Variants in PDS5B observed in about 807,000 individuals in gnomAD.
The protein encoded by PDS5B is sister chromatid cohesion protein PDS5 homolog B.
Under a neutral mutation model 184.1 loss-of-function variants are expected in PDS5B, and 51 were observed. The ratio of observed to expected loss-of-function variants is 0.28; its 90% CI spans 0.22 to 0.35. The LOEUF (loss-of-function observed/expected upper bound fraction) is 0.35, where lower values mean the gene tolerates loss of function less well. Among genes scored for constraint, PDS5B ranks in the 10% least tolerant of loss-of-function variants. The pLI is 1.00. For synonymous variants in PDS5B, 566 were observed against 569.2 expected (o/e 0.99, Z 0.08); for missense variants, 1,180 against 1,723.3 (o/e 0.68, Z 5.58).
chr13:32,673,476 T>TA, intron 8 of PDS5B, 120 bp downstream of exon 8: 1 of 801,482 alleles, frequency 1.2e-6, no homozygotes, highest in South Asian at 1.9e-5. Flanking sequence ...GAAGTATTAC[T>TA]ATTATTTCTT....
At chr13:32,715,803 T>C (rs1207710) in intron 19 of PDS5B, among the ~76,000 whole-genome samples, 105,797 of 150,576 alleles carry the variant, frequency 0.7, 37,677 homozygotes, top group African/African-American at 0.83. Flanking sequence ...CGATTGCAGG[T>C]GCGCGCCGCC....
chr13:32,706,588 C>T (rs1177728613), intron 17 of PDS5B, among the ~76,000 whole-genome samples: 1 of 152,066 alleles, frequency 6.6e-6, no homozygotes, highest in Non-Finnish European at 1.5e-5. Context: ...GTTCTACTTA[C>T]TGGACTAGTG....
At chr13:32,664,613 C>G (rs1950736313) in intron 6 of PDS5B, among the ~76,000 whole-genome samples, 2 of 152,136 alleles carry the variant, frequency 1.3e-5, no homozygotes, top group Non-Finnish European at 2.9e-5. Flanking sequence ...CTCATTATCC[C>G]AGCACTTTGG....
At chr13:32,709,918 C>T (rs768827940) in intron 18 of PDS5B, 28 bp from the exon 19 acceptor site, 4 of 1,269,300 alleles carry the variant, frequency 3.2e-6, no homozygotes, top group Non-Finnish European at 3.1e-6. Flanking sequence ...AAAAGTTTTA[C>T]AAATCATTTT....
chr13:32,736,753 C>T (rs558852106), intron 21 of PDS5B, among the ~76,000 whole-genome samples: 87 of 152,146 alleles, frequency 5.7e-4, no homozygotes, highest in Middle Eastern at 3.4e-3. Flanking sequence ...ACACTTTAAA[C>T]GTACATTGTT....
rs77496418 is a variant in PDS5B at position 32,660,724 on chromosome 13, C to G, written c.624+1444C>G. 2.0e-5 allele frequency among the ~76,000 whole-genome samples: 3 copies of G among 152,282 alleles called. No individual in the cohort carries two copies. In the East Asian group the frequency reaches 5.8e-4, roughly 29 times the overall value. ...AATAAACCCACCCTTCCTGATTAAA[C>G]ATTTTCTCCTTGGCCTTGTTGTAGG... On this transcript the variant is annotated intron_variant, in intron 6 of 34. Transcript: ENST00000315596.
chr13:32,595,889 G>T (rs890188540), intron 1 of PDS5B, among the ~76,000 whole-genome samples: 1 of 152,146 alleles, frequency 6.6e-6, no homozygotes, highest in Admixed American at 6.5e-5. Context: ...GCTTCTTGAG[G>T]CCATGGACTT....
intron 11 of PDS5B, among the ~76,000 whole-genome samples, chr13:32,684,491 GC>G (rs1314462227): frequency 6.6e-6 from 1 of 152,196 alleles, no homozygotes; most frequent in East Asian, 1.9e-4. Context: ...AGAGCACCAT[GC>G]TTCTAGCCTA....
At chr13:32,763,161 T>G (rs1954467412) in intron 30 of PDS5B, among the ~76,000 whole-genome samples, 1 of 152,246 alleles carries the variant, frequency 6.6e-6, no homozygotes, top group South Asian at 2.1e-4. Context: ...GGAAAAATTA[T>G]GAGAGGAAGT....
chr13:32,615,481 G>A (rs973724790), intron 1 of PDS5B, among the ~76,000 whole-genome samples: 3 of 152,170 alleles, frequency 2.0e-5, no homozygotes, highest in African/African-American at 7.2e-5. Context: ...TAAAGCATGT[G>A]TATTGAATCA....
chr13:32,699,079 C>G (rs971887125), intron 15 of PDS5B, among the ~76,000 whole-genome samples: 4 of 152,136 alleles, frequency 2.6e-5, no homozygotes, highest in Non-Finnish European at 5.9e-5. Context: ...TGGCTCTCTG[C>G]AACAGTTAAG....
At chr13:32,650,139 T>C (rs1258169424) in intron 2 of PDS5B, 2 of 152,166 alleles carry the variant, frequency 1.3e-5, no homozygotes, top group Admixed American at 6.5e-5. Flanking sequence ...TCATGAGTTA[T>C]TAATGAGTTT....
intron 24 of PDS5B, 132 bp from the exon 25 acceptor site, chr13:32,753,200 T>A: frequency 1.5e-6 from 1 of 651,130 alleles, no homozygotes; most frequent in Non-Finnish European, 2.7e-6. Context: ...CTCACTCTTG[T>A]GAGCAGTGAA....
At position 32,658,240 on chromosome 13, in the gene PDS5B, A is replaced by G; in HGVS notation, c.314A>G (p.Asp105Gly). The G allele has an allele frequency of 7.4e-7, 1 of 1,357,462 alleles. No individual in the cohort carries two copies. Among genetic ancestry groups the G allele is most frequent in the Non-Finnish European group, 1.0e-6 (1 of 962,742 alleles). The allele number at this position is 1,357,462 out of a possible 1,614,324, so 84.1% of individuals were successfully genotyped here. A position where few individuals can be genotyped will look rare whatever the true frequency, so the allele number is the denominator to read the frequency against. Residue 105 changes from aspartate to glycine, a missense_variant and splice_region_variant, in exon 4 of 35, where the codon GAT (aspartate) becomes GGT (glycine). Asp to Gly is a moderately conservative substitution (Grantham distance 94). Coordinates refer to ENST00000315596, the MANE Select transcript of PDS5B (RefSeq NM_015032.4). ...APYTSPDKLK[D>G]IFMFITRQLK... ...GCACTTTGTCTTTTTTTATTTAAGG[A>G]TATATTTATGTTTATAACAAGACAG...
chr13:32,721,173 C>G (rs540918331), intron 19 of PDS5B, among the ~76,000 whole-genome samples: 4 of 152,118 alleles, frequency 2.6e-5, no homozygotes, highest in East Asian at 1.9e-4. Flanking sequence ...TCCCAGACGG[C>G]GTGGTGGCTG....
chr13:32,712,449 A>G (rs1355912119), intron 19 of PDS5B, among the ~76,000 whole-genome samples: 1 of 152,218 alleles, frequency 6.6e-6, no homozygotes, highest in African/African-American at 2.4e-5. Flanking sequence ...TTTTTAAATT[A>G]TTAAATTGGG....
At chr13:32,717,244 A>G (rs1236505791) in intron 19 of PDS5B, among the ~76,000 whole-genome samples, 1 of 152,056 alleles carries the variant, frequency 6.6e-6, no homozygotes, top group African/African-American at 2.4e-5. Flanking sequence ...TTTGTGGAAT[A>G]GAAAGGGGGG....
intron 14 of PDS5B, among the ~76,000 whole-genome samples, chr13:32,695,729 A>C: frequency 6.6e-6 from 1 of 151,980 alleles, no homozygotes; most frequent in East Asian, 1.9e-4. Flanking sequence ...TTCCTCTAAA[A>C]TTTATGTATT....
intron 1 of PDS5B, among the ~76,000 whole-genome samples, chr13:32,618,272 G>A (rs557021516): frequency 6.6e-6 from 1 of 152,306 alleles, no homozygotes; most frequent in East Asian, 1.9e-4. Context: ...AGTTTTGTGA[G>A]TTACAGATAC....
Sources: gnomAD v4.1 joint callset for allele counts (sites outside exome capture counted in the v4.1 genomes callset) on GRCh38, gnomAD v4.1.1 for gene constraint, MANE v1.5 for transcripts, NCBI Gene and HGNC (gene_info 2026-07-23, HGNC 2026-07-21) for gene names.